The following AMBRA1 variants were observed in gnomAD, a reference collection of about 807,000 sequenced individuals.
The protein encoded by AMBRA1 is activating molecule in BECN1-regulated autophagy protein 1.
AMBRA1 carries 47 observed loss-of-function variants against 125.4 expected under a neutral mutation model. That is an observed-to-expected ratio of 0.37 (90% CI 0.30 to 0.48). The LOEUF is 0.48. AMBRA1 is among the 20% of genes least tolerant of loss of function. The probability of loss-of-function intolerance (pLI) is 0.99; values close to 1 mark genes in which losing one functional copy is unlikely to be tolerated. For missense variants in AMBRA1, 1,331 were observed against 1,693.4 expected (o/e 0.79, Z 3.76); for synonymous variants, 626 against 655.5 (o/e 0.95, Z 0.69).
At chr11:46,480,008 C>T (rs190820827) in intron 11 of AMBRA1, among the ~76,000 whole-genome samples, 158 of 152,270 alleles carry the variant, frequency 1.0e-3, no homozygotes, top group African/African-American at 3.8e-3. Context: ...TGGCAGAATT[C>T]AGTTCCTTGC....
chr11:46,457,930 C>T (rs61882711), intron 11 of AMBRA1, among the ~76,000 whole-genome samples: 21,136 of 151,060 alleles, frequency 0.14, 1,566 homozygotes, highest in Non-Finnish European at 0.17. Flanking sequence ...AAAGACATTC[C>T]ACCCTACTGG....
At chr11:46,509,338 A>C (rs1165160945) in intron 8 of AMBRA1, among the ~76,000 whole-genome samples, 3 of 152,230 alleles carry the variant, frequency 2.0e-5, no homozygotes, top group African/African-American at 7.2e-5. Flanking sequence ...GACTGAAAAC[A>C]TGAGAGGAAC....
chr11:46,543,274 G>C lies in AMBRA1; in HGVS notation c.743C>G (p.Ser248Cys), dbSNP rs1407501521. Residue 248 changes from serine to cysteine, a missense_variant, in exon 7 of 18, where the codon TCC (serine) becomes TGC (cysteine). Ser to Cys is a moderately radical substitution (Grantham distance 112). This residue lies in a region of AMBRA1 where 689 missense variants were observed against 776.5 expected (regional missense o/e 0.89). Coordinates refer to ENST00000683756, the MANE Select transcript of AMBRA1 (RefSeq NM_001387011.1). ...CACCTGGATGCCAGAAGAGCGGGAG[G>C]ACAGCATGTGCAGGAAATTGTGGAG... The part of the protein sequence containing the change: ...PLLHNFLHML[S>C]SRSSGIQVGE... 9 of 1,613,924 alleles carry C rather than the reference G, an allele frequency of 5.6e-6. No homozygotes were observed. The highest frequency in any genetic ancestry group is 6.8e-6 in the Non-Finnish European group (8 of 1,180,014).
Position 46,547,261 on chromosome 11 carries a change from A to G in AMBRA1, c.230T>C (p.Ile77Thr). ...GCCAGTCTTCACCTCCGTAATATAGATATTATGGTTCACATGGGTGGAGGC... is the reference window on the plus strand; with the variant it reads ...GCCAGTCTTCACCTCCGTAATATAGGTATTATGGTTCACATGGGTGGAGGC... ...LLASTHVNHN[I>T]YITEVKTGKC... The change falls in exon 4 of 18, where the codon ATC (isoleucine) becomes ACC (threonine). Residue 77 changes from isoleucine (I) to threonine (T), a missense_variant. By Grantham distance (89) the Ile-to-Thr change is moderately conservative (BLOSUM62 -1). Around this residue, in one of 4 missense-constraint regions of AMBRA1, gnomAD observed 144 missense variants for 250.4 expected, o/e 0.58. Transcript: ENST00000683756. 1 of 1,613,334 alleles carries G rather than the reference A, an allele frequency of 6.2e-7. No homozygotes were observed. The highest frequency in any genetic ancestry group is 8.5e-7 in the Non-Finnish European group (1 of 1,179,758).
chr11:46,434,634 G>A lies in AMBRA1; in HGVS notation c.2821+215C>T, dbSNP rs538241363. Among the ~76,000 whole-genome samples, 6 of 152,250 alleles carry A rather than the reference G, an allele frequency of 3.9e-5. No homozygotes were observed. In the East Asian group the frequency reaches 7.7e-4, roughly 20 times the overall value. ...ACCTCCTCCCTTATTCCTGACCGTC[G>A]TAACAGGGGCATGCGGTAGGACTCT... is the stretch of plus-strand genomic sequence containing the variant. On this transcript the variant is annotated intron_variant, in intron 13 of 17. Transcript: ENST00000683756.
chr11:46,446,519 T>C (rs967997758), intron 11 of AMBRA1, among the ~76,000 whole-genome samples: 4 of 152,208 alleles, frequency 2.6e-5, no homozygotes, highest in Admixed American at 6.5e-5. Context: ...CATGTAGTAA[T>C]GACAGAATGG....
chr11:46,530,072 A>C (rs1952145653), intron 7 of AMBRA1, among the ~76,000 whole-genome samples: 1 of 152,178 alleles, frequency 6.6e-6, no homozygotes, highest in Non-Finnish European at 1.5e-5. Context: ...ACTGTCTTGG[A>C]AAAGCCTCCA....
intron 17 of AMBRA1, among the ~76,000 whole-genome samples, chr11:46,402,814 G>C (rs930909478): frequency 1.3e-5 from 2 of 152,216 alleles, no homozygotes; most frequent in Admixed American, 6.5e-5. Flanking sequence ...ATGAATGGAA[G>C]ATTTTAAAAT....
chr11:46,588,603 C>T (rs1446985410), intron 1 of AMBRA1, among the ~76,000 whole-genome samples: 1 of 151,388 alleles, frequency 6.6e-6, no homozygotes, highest in East Asian at 1.9e-4. Context: ...TGGTGAAAAC[C>T]CGTCTCTACT....
chr11:46,584,283 A>C (rs1337556531), intron 1 of AMBRA1, among the ~76,000 whole-genome samples: 19 of 146,594 alleles, frequency 1.3e-4, no homozygotes, highest in South Asian at 2.2e-4. Flanking sequence ...ACAAAAAACC[A>C]AACACCGCAT....
chr11:46,555,321 C>G (rs1264601957), intron 1 of AMBRA1, among the ~76,000 whole-genome samples: 6 of 152,208 alleles, frequency 3.9e-5, no homozygotes, highest in African/African-American at 1.4e-4. Context: ...CTTGTGCAAT[C>G]TGATTATCTT....
intron 9 of AMBRA1, among the ~76,000 whole-genome samples, chr11:46,504,881 A>G (rs558610403): frequency 6.6e-6 from 1 of 152,346 alleles, no homozygotes; most frequent in Admixed American, 6.5e-5. Context: ...CCTTAGACAT[A>G]TCTGATTTGG....
At chr11:46,404,923 C>G (rs1022610824) in intron 17 of AMBRA1, among the ~76,000 whole-genome samples, 2 of 152,210 alleles carry the variant, frequency 1.3e-5, no homozygotes, top group Non-Finnish European at 2.9e-5. Context: ...AGCAGACATA[C>G]TTCTGAAGGT....
intron 15 of AMBRA1, among the ~76,000 whole-genome samples, chr11:46,412,056 C>T (rs1946320649): frequency 6.6e-6 from 1 of 152,204 alleles, no homozygotes; most frequent in African/African-American, 2.4e-5. Context: ...AAACCTCTCC[C>T]AGCTCCTTTT....
intron 1 of AMBRA1, among the ~76,000 whole-genome samples, chr11:46,577,777 C>A (rs976565296): frequency 6.6e-6 from 1 of 151,942 alleles, no homozygotes; most frequent in Non-Finnish European, 1.5e-5. Flanking sequence ...ATGGAGAAAC[C>A]CTGTCTCTAC....
chr11:46,498,694 CCAGA>C (rs1373307243), intron 9 of AMBRA1, among the ~76,000 whole-genome samples: 4 of 152,160 alleles, frequency 2.6e-5, no homozygotes, highest in Non-Finnish European at 5.9e-5. Context: ...TGAGTCCTGA[CCAGA>C]CAGTCAGGTT....
At position 46,550,123 on chromosome 11, in the gene AMBRA1, C is replaced by T. The variant is rs1274453286; in HGVS notation, c.-120-1623G>A. 2.6e-5 allele frequency among the ~76,000 whole-genome samples: 4 copies of T among 152,218 alleles called. No homozygotes were observed. The East Asian group carries it at 7.7e-4, about 29-fold the overall frequency. On this transcript the variant is annotated intron_variant, in intron 1 of 17. Coordinates refer to ENST00000683756, the MANE Select transcript of AMBRA1 (RefSeq NM_001387011.1). ...TGTGAGCTACTGCACCCAGCCGACA[C>T]TAGCTTTTCTAAAAGATCAGGAGAG...
At chr11:46,492,369 C>T (rs1195141638) in intron 11 of AMBRA1, among the ~76,000 whole-genome samples, 1 of 152,216 alleles carries the variant, frequency 6.6e-6, no homozygotes, top group East Asian at 1.9e-4. Context: ...TAAGATAAAG[C>T]TTGTAACATT....
At chr11:46,571,273 C>G (rs139787433) in intron 1 of AMBRA1, among the ~76,000 whole-genome samples, 2 of 152,276 alleles carry the variant, frequency 1.3e-5, no homozygotes, top group African/African-American at 4.8e-5. Flanking sequence ...AAAAATAACC[C>G]TGTAATTTTT....
Sources: allele counts gnomAD v4.1 joint callset (sites outside exome capture counted in the v4.1 genomes callset), GRCh38; gene constraint gnomAD v4.1.1; regional missense constraint gnomAD v4.1.1; transcripts MANE v1.5; gene names NCBI Gene and HGNC (gene_info 2026-07-23, HGNC 2026-07-21).